RAB17: variants seen among roughly 807,000 people sequenced by gnomAD.
RAB17 encodes the protein ras-related protein Rab-17.
In RAB17, 15 loss-of-function variants were observed where a neutral mutation model predicts 19.3. The observed-to-expected ratio is 0.78, with a 90% CI of 0.52 to 1.20. RAB17 has a LOEUF of 1.20. Among genes scored for constraint, RAB17 ranks in the 50% most tolerant of loss-of-function variants. The pLI is 0.00. For missense variants in RAB17, 262 were observed against 269.3 expected, an observed-to-expected ratio of 0.97 and a Z score of 0.19; for synonymous variants, 110 against 112.8, an observed-to-expected ratio of 0.97 and a Z score of 0.16.
rs537396490 is a variant in RAB17 at position 237,575,145 on chromosome 2, G to A, written c.530-17C>T. ...GCTCTTGGGCTGTGAACAGCAAGAGGAGGGGGCTGGCTAGGGAGGGAAGTC... is the reference window on the plus strand; with the variant it reads ...GCTCTTGGGCTGTGAACAGCAAGAGAAGGGGGCTGGCTAGGGAGGGAAGTC... On this transcript the variant is annotated splice_polypyrimidine_tract_variant and intron_variant, in intron 5 of 5. Coordinates refer to ENST00000264601, the MANE Select transcript of RAB17 (RefSeq NM_022449.4). 4.4e-6 allele frequency: 7 copies of A among 1,603,314 alleles called. No homozygotes were observed. In the East Asian group the frequency reaches 6.7e-5, roughly 15 times the overall value.
rs942604140 is a variant in RAB17 at position 237,574,376 on chromosome 2, C to T, written c.*643G>A. ...AGGAAAAACTGCATACGCAGTACAA[C>T]TTATATCTCAGGCGAAATGTCTCAG... On this transcript the variant is annotated 3_prime_UTR_variant, in exon 6 of 6. Coordinates refer to ENST00000264601, the MANE Select transcript of RAB17 (RefSeq NM_022449.4). 7 of 1,517,100 alleles carry T rather than the reference C, an allele frequency of 4.6e-6. No homozygotes were observed. Among genetic ancestry groups the T allele is most frequent in the Admixed American group, 4.3e-5 (2 of 46,728 alleles). The allele number at this position is 1,517,100 out of a possible 1,614,324, so 94.0% of individuals were successfully genotyped here.
At chr2:237,589,629 T>C (rs1008171838) in intron 1 of RAB17, among the ~76,000 whole-genome samples, 1 of 152,188 alleles carries the variant, frequency 6.6e-6, no homozygotes, top group African/African-American at 2.4e-5. Flanking sequence ...GTTGGAGCCT[T>C]CTGTCCAAAG....
chr2:237,578,528 GC>G, intron 2 of RAB17: 1 of 178,000 alleles, frequency 5.6e-6, no homozygotes, highest in Non-Finnish European at 1.2e-5. Context: ...AACCCCTAGA[GC>G]CCTGGGCACC....
In RAB17 at chr2:237,575,078, C is replaced by T; in HGVS notation, c.580G>A (p.Asp194Asn). ...CCCTTGTTCAGAGCCACAGCTGCAT[C>T]CCCCCGTAGAGCCTGGCCCTCCTCG... ...SDEEGQALRG[D>N]AAVALNKGPA... is the part of the protein sequence containing the mutation. The change falls in exon 6 of 6, where the codon GAT becomes AAT. Residue 194 changes from aspartate to asparagine, a missense_variant. By Grantham distance (23) the Asp-to-Asn change is conservative. Coordinates refer to ENST00000264601, the MANE Select transcript of RAB17 (RefSeq NM_022449.4). The T allele has an allele frequency of 1.2e-6, 2 of 1,613,438 alleles. No individual in the cohort carries two copies. Among genetic ancestry groups the T allele is most frequent in the Non-Finnish European group, 1.7e-6 (2 of 1,179,692 alleles).
chr2:237,590,111 G>A (rs537238677), intron 1 of RAB17, among the ~76,000 whole-genome samples: 11 of 151,934 alleles, frequency 7.2e-5, no homozygotes, highest in South Asian at 4.2e-4. Context: ...GAATGTTGAT[G>A]TCATTTGAAA....
rs1353051760 is a variant in RAB17, at chr2:237,585,677, G to A, written c.157+321C>T. 2.3e-5 allele frequency: 5 copies of A among 219,620 alleles called. No individual in the cohort carries two copies. The East Asian group carries it at 5.6e-4, about 25-fold the overall frequency. 13.6% of individuals were successfully genotyped at this position (219,620 alleles called of 1,614,324 possible). A position where few individuals can be genotyped will look rare whatever the true frequency, so the allele number is the denominator to read the frequency against. ...GGCCAGGGCCCAGGAGGCTTCTTCCGGGCTGTCCCTTCCACCAGCATAATC... is the reference window on the plus strand; with the variant it reads ...GGCCAGGGCCCAGGAGGCTTCTTCCAGGCTGTCCCTTCCACCAGCATAATC... On this transcript the variant is annotated intron_variant, in intron 2 of 5. Coordinates refer to ENST00000264601, the MANE Select transcript of RAB17 (RefSeq NM_022449.4).
Position 237,577,246 on chromosome 2 carries a change from C to A in RAB17, c.435+11G>T, listed in dbSNP as rs770765519. ...CTGTGGAAGAGCAGAGCAGGGTCTC[C>A]TGGGCGGTACCTGGAAGGTCACCTC... On this transcript the variant is annotated intron_variant, in intron 4 of 5. Coordinates refer to ENST00000264601, the MANE Select transcript of RAB17 (RefSeq NM_022449.4). 6.2e-7 allele frequency: 1 copy of A among 1,610,096 alleles called. No homozygotes were observed. The highest frequency in any genetic ancestry group is 8.5e-7 in the Non-Finnish European group (1 of 1,178,292).
At chr2:237,587,694 A>C (rs1294193237) in intron 1 of RAB17, among the ~76,000 whole-genome samples, 1 of 152,184 alleles carries the variant, frequency 6.6e-6, no homozygotes, top group Non-Finnish European at 1.5e-5. Context: ...AGGGTTCCAC[A>C]TAGTAGACTC....
At position 237,574,936 on chromosome 2, in the gene RAB17, T is replaced by C; in HGVS notation, c.*83A>G. The C allele has an allele frequency of 4.4e-6, 5 of 1,123,704 alleles. No homozygotes were observed. The highest frequency in any genetic ancestry group is 5.0e-6 in the Non-Finnish European group (4 of 803,350). 69.6% of individuals were successfully genotyped at this position (1,123,704 alleles called of 1,614,324 possible). A position where few individuals can be genotyped will look rare whatever the true frequency, so the allele number is the denominator to read the frequency against. On this transcript the variant is annotated 3_prime_UTR_variant, in exon 6 of 6. Coordinates refer to ENST00000264601, the MANE Select transcript of RAB17 (RefSeq NM_022449.4). ...CTAGGGCTCGGGAGCAACCCAGCATTGACAGTGAATCAGAATCCACCTAGA... is the reference window on the plus strand; with the variant it reads ...CTAGGGCTCGGGAGCAACCCAGCATCGACAGTGAATCAGAATCCACCTAGA...
At chr2:237,577,447 G>A in intron 3 of RAB17, 65 bp from the exon 4 acceptor site, 1 of 1,520,578 alleles carries the variant, frequency 6.6e-7, no homozygotes, top group South Asian at 1.2e-5. Flanking sequence ...TATTCCGGGA[G>A]GGGGAAGCCA....
At position 237,575,037 on chromosome 2, in the gene RAB17, G is replaced by A; in HGVS notation, c.621C>T (p.Ala207=). 1 of 1,612,660 alleles carries A rather than the reference G, an allele frequency of 6.2e-7. No individual in the cohort carries two copies. ...GCTGCACCTAGTGGGCGCAGCATTT[G>A]GCCTGCCTCGCGGGCCCCTTGTTCA... ...VALNKGPARQ[A]KCCAH The change falls in exon 6 of 6, where the codon GCC becomes GCT. Residue 207 remains alanine (A), a synonymous_variant. Coordinates refer to ENST00000264601, the MANE Select transcript of RAB17 (RefSeq NM_022449.4).
rs189503278 is a variant in RAB17 at position 237,587,875 on chromosome 2, A to C, written c.-3-1718T>G. Among the ~76,000 whole-genome samples, 312 of 152,252 alleles carry C rather than the reference A, an allele frequency of 2.0e-3. 9 individuals carry two copies. Among genetic ancestry groups the C allele is most frequent in the Admixed American group, 0.018 (269 of 15,290 alleles). Reference sequence around the variant, plus strand: ...AAGAAAAAGAAAGAAAAAGAAAAAGAAAAGCTCTCCAGGTGATCTCAGTAT... The same window carrying C: ...AAGAAAAAGAAAGAAAAAGAAAAAGCAAAGCTCTCCAGGTGATCTCAGTAT... On this transcript the variant is annotated intron_variant, in intron 1 of 5. Transcript: ENST00000264601.
In RAB17 at chr2:237,578,340, C is replaced by T. The variant is rs527971175; in HGVS notation, c.158-185G>A. On this transcript the variant is annotated intron_variant, in intron 2 of 5. Transcript: ENST00000264601. Reference sequence around the variant, plus strand: ...TTCTGGGAGATGGAGCCTTCCACATCGAGCAAAGTGTTGGGAGTGATTGCT... The same window carrying T: ...TTCTGGGAGATGGAGCCTTCCACATTGAGCAAAGTGTTGGGAGTGATTGCT... 3.9e-5 allele frequency: 23 copies of T among 585,954 alleles called. No individual in the cohort carries two copies. The East Asian group carries it at 4.8e-4, about 12-fold the overall frequency. 36.3% of individuals were successfully genotyped at this position (585,954 alleles called of 1,614,324 possible). A position where few individuals can be genotyped will look rare whatever the true frequency, so the allele number is the denominator to read the frequency against.
At position 237,574,908 on chromosome 2, in the gene RAB17, C is replaced by T. The variant is rs529592630; in HGVS notation, c.*111G>A. On this transcript the variant is annotated 3_prime_UTR_variant, in exon 6 of 6. Transcript: ENST00000264601. ...CATAAAGGGGGCCAACTTCCAGGAA[C>T]ATCTAGGGCTCGGGAGCAACCCAGC... is the stretch of plus-strand genomic sequence containing the variant. The T allele has an allele frequency of 1.4e-5, 13 of 919,782 alleles. No individual in the cohort carries two copies. In the South Asian group the frequency reaches 2.4e-4, roughly 17 times the overall value. 57.0% of individuals were successfully genotyped at this position (919,782 alleles called of 1,614,324 possible). A position where few individuals can be genotyped will look rare whatever the true frequency, so the allele number is the denominator to read the frequency against.
intron 2 of RAB17, among the ~76,000 whole-genome samples, chr2:237,581,783 T>C (rs1256013449): frequency 2.6e-5 from 4 of 152,234 alleles, no homozygotes; most frequent in South Asian, 4.1e-4. Context: ...TGGTGCCAAG[T>C]TGAATGTGCT....
chr2:237,583,875 G>A (rs1013880512), intron 2 of RAB17, among the ~76,000 whole-genome samples: 23 of 152,090 alleles, frequency 1.5e-4, no homozygotes, highest in South Asian at 2.1e-4. Flanking sequence ...GATGGCCCCT[G>A]CGGGGCCAGA....
chr2:237,582,796 C>T (rs1033332931), intron 2 of RAB17, among the ~76,000 whole-genome samples: 3 of 152,220 alleles, frequency 2.0e-5, no homozygotes, highest in Admixed American at 6.5e-5. Flanking sequence ...CTAAAAGTGG[C>T]AATATCCACA....
chr2:237,586,285 C>A, intron 1 of RAB17, 128 bp from the exon 2 acceptor site: 1 of 843,096 alleles, frequency 1.2e-6, no homozygotes, highest in Non-Finnish European at 1.7e-6. Flanking sequence ...ACTCAGAGGC[C>A]ACCTAGGTCC....
At chr2:237,584,897 G>A (rs566450023) in intron 2 of RAB17, among the ~76,000 whole-genome samples, 1 of 152,272 alleles carries the variant, frequency 6.6e-6, no homozygotes, top group South Asian at 2.1e-4. Context: ...ACACCACAGG[G>A]TAACCTTGAC....
Sources: gnomAD v4.1 joint callset for allele counts (sites outside exome capture counted in the v4.1 genomes callset) on GRCh38, gnomAD v4.1.1 for gene constraint, MANE v1.5 for transcripts, NCBI Gene and HGNC (gene_info 2026-07-23, HGNC 2026-07-21) for gene names.